The following ZNF804A variants were observed in gnomAD, a reference collection of about 807,000 sequenced individuals.
ZNF804A encodes the protein zinc finger protein 804A.
In ZNF804A, 2 loss-of-function variants were observed where a neutral mutation model predicts 16.5. The observed-to-expected ratio is 0.12, with a 90% CI of 0.05 to 0.38. The LOEUF (loss-of-function observed/expected upper bound fraction) is 0.38. Ranked by LOEUF, ZNF804A falls within the 10% of genes least tolerant of loss-of-function variation. ZNF804A has a pLI of 0.99. For missense variants in ZNF804A, 1,473 were observed against 1,390.7 expected, an observed-to-expected ratio of 1.06 and a Z score of -0.94; for synonymous variants, 534 against 489.6, an observed-to-expected ratio of 1.09 and a Z score of -1.20.
chr2:184,924,733 T>G (rs189803393), intron 2 of ZNF804A, among the ~76,000 whole-genome samples: 8 of 152,004 alleles, frequency 5.3e-5, no homozygotes, highest in Admixed American at 4.6e-4. Flanking sequence ...TTTTTGTATG[T>G]TACGTTTCCG....
At chr2:184,638,364 C>T (rs550179589) in intron 1 of ZNF804A, among the ~76,000 whole-genome samples, 64 of 152,178 alleles carry the variant, frequency 4.2e-4, no homozygotes, top group African/African-American at 1.5e-3. Context: ...ATTGGTCTAC[C>T]TCTGATGCAA....
At chr2:184,678,497 T>C (rs879839157) in intron 1 of ZNF804A, among the ~76,000 whole-genome samples, 1 of 152,156 alleles carries the variant, frequency 6.6e-6, no homozygotes, top group Admixed American at 6.6e-5. Context: ...AATATTTAAA[T>C]GTACTTGAAA....
intron 1 of ZNF804A, among the ~76,000 whole-genome samples, chr2:184,733,229 G>A (rs1232640753): frequency 6.6e-6 from 1 of 151,948 alleles, no homozygotes; most frequent in Non-Finnish European, 1.5e-5. Context: ...TTTAGGTTCT[G>A]TTATTTATGG....
chr2:184,887,871 A>G (rs974058074), intron 2 of ZNF804A, among the ~76,000 whole-genome samples: 2 of 152,310 alleles, frequency 1.3e-5, no homozygotes, highest in South Asian at 4.1e-4. Flanking sequence ...TAACACAGGA[A>G]CAGAAAACCA....
At chr2:184,697,800 T>C (rs368639960) in intron 1 of ZNF804A, among the ~76,000 whole-genome samples, 3 of 152,082 alleles carry the variant, frequency 2.0e-5, no homozygotes, top group African/African-American at 7.2e-5. Flanking sequence ...ACTTAAAATA[T>C]AAAATCTAGA....
intron 1 of ZNF804A, among the ~76,000 whole-genome samples, chr2:184,784,309 C>T (rs968907934): frequency 4.6e-5 from 7 of 151,854 alleles, no homozygotes; most frequent in Admixed American, 4.0e-4. Flanking sequence ...TCTCATATAG[C>T]TAGATGTATA....
intron 1 of ZNF804A, among the ~76,000 whole-genome samples, chr2:184,780,522 A>G (rs1694357323): frequency 6.6e-6 from 1 of 151,632 alleles, no homozygotes; most frequent in African/African-American, 2.4e-5. Context: ...TGCTTATTCC[A>G]TTTCAGAACC....
Position 184,764,000 on chromosome 2 carries a change from C to A in ZNF804A, c.112-102369C>A, listed in dbSNP as rs1357664404. ...AACTTATACTGTCCTCTCATGCCCACCCCCATGAAAACAAGGACTTATTAT... is the reference window on the plus strand; with the variant it reads ...AACTTATACTGTCCTCTCATGCCCAACCCCATGAAAACAAGGACTTATTAT... On this transcript the variant is annotated intron_variant, in intron 1 of 3. Transcript: ENST00000302277. 2.6e-5 allele frequency among the ~76,000 whole-genome samples: 4 copies of A among 151,954 alleles called. No homozygotes were observed. In the East Asian group the frequency reaches 7.7e-4, roughly 29 times the overall value.
At chr2:184,807,414 C>T (rs897923375) in intron 1 of ZNF804A, among the ~76,000 whole-genome samples, 4 of 151,616 alleles carry the variant, frequency 2.6e-5, no homozygotes, top group Non-Finnish European at 5.9e-5. Context: ...ATAGATGAAG[C>T]TACATGTTTT....
intron 1 of ZNF804A, among the ~76,000 whole-genome samples, chr2:184,844,466 A>G (rs913244742): frequency 6.6e-6 from 1 of 152,030 alleles, no homozygotes; most frequent in Non-Finnish European, 1.5e-5. Context: ...TTCACTTTTG[A>G]GAAATAATTT....
chr2:184,808,200 T>C, intron 1 of ZNF804A, among the ~76,000 whole-genome samples: 1 of 151,732 alleles, frequency 6.6e-6, no homozygotes, highest in South Asian at 2.1e-4. Flanking sequence ...TAAGCATGTA[T>C]CATACACAAT....
In ZNF804A at chr2:184,759,008, T is replaced by C. The variant is rs569459493; in HGVS notation, c.112-107361T>C. Among the ~76,000 whole-genome samples the C allele has an allele frequency of 3.3e-4, 50 of 151,836 alleles. 1 individual carries two copies. The South Asian group carries it at 9.1e-3, about 28-fold the overall frequency. On this transcript the variant is annotated intron_variant, in intron 1 of 3. Transcript: ENST00000302277. ...CACACATTATTATGTATATGCAATA[T>C]CATATATTTATGTTATATGTAGATA...
intron 1 of ZNF804A, among the ~76,000 whole-genome samples, chr2:184,650,000 A>C (rs1037010254): frequency 6.6e-6 from 1 of 152,054 alleles, no homozygotes; most frequent in Non-Finnish European, 1.5e-5. Flanking sequence ...AGGCAAACAC[A>C]CAACATAAAA....
At chr2:184,829,413 A>G (rs1431183805) in intron 1 of ZNF804A, among the ~76,000 whole-genome samples, 1 of 151,986 alleles carries the variant, frequency 6.6e-6, no homozygotes, top group Non-Finnish European at 1.5e-5. Context: ...TTGTCATTTT[A>G]AATATAAGAG....
rs1558988351 is a variant in ZNF804A at position 184,871,059 on chromosome 2, T to C, written c.255+4547T>C. ...AAATGCCTTAGAATTTTCACTTTCA[T>C]CAGAAGAGCATACAAGATACTCTGA... On this transcript the variant is annotated intron_variant, in intron 2 of 3. Transcript: ENST00000302277. Among the ~76,000 whole-genome samples the C allele has an allele frequency of 2.0e-5, 3 of 150,302 alleles. No homozygotes were observed. In the Admixed American group the frequency reaches 2.0e-4, roughly 10 times the overall value.
intron 1 of ZNF804A, among the ~76,000 whole-genome samples, chr2:184,741,900 G>T (rs1366302417): frequency 6.6e-6 from 1 of 151,948 alleles, no homozygotes; most frequent in Non-Finnish European, 1.5e-5. Context: ...AATTTTATTT[G>T]CCCTCTGGAA....
intron 1 of ZNF804A, among the ~76,000 whole-genome samples, chr2:184,613,094 C>T (rs1691264198): frequency 6.6e-6 from 1 of 152,226 alleles, no homozygotes. Flanking sequence ...TATTTTGACA[C>T]ATTAGCAAGG....
chr2:184,888,613 A>T (rs1042215568), intron 2 of ZNF804A, among the ~76,000 whole-genome samples: 1 of 152,170 alleles, frequency 6.6e-6, no homozygotes, highest in Non-Finnish European at 1.5e-5. Flanking sequence ...TAAAGTTTAA[A>T]CATCAGTATG....
chr2:184,911,436 T>C (rs1685356644), intron 2 of ZNF804A, among the ~76,000 whole-genome samples: 1 of 152,094 alleles, frequency 6.6e-6, no homozygotes, highest in Admixed American at 6.6e-5. Flanking sequence ...TTGCTTAAGA[T>C]TGTTTTGGCT....
Sources: allele counts gnomAD v4.1 joint callset (sites outside exome capture counted in the v4.1 genomes callset), GRCh38; gene constraint gnomAD v4.1.1; transcripts MANE v1.5; gene names NCBI Gene and HGNC (gene_info 2026-07-23, HGNC 2026-07-21).